Variants in WFDC2 observed in about 807,000 individuals in gnomAD.
WFDC2 encodes WAP four-disulfide core domain protein 2.
A neutral mutation model predicts 12.5 loss-of-function variants in WFDC2; 8 were observed. That is an observed-to-expected ratio of 0.64 (90% CI 0.37 to 1.15). WFDC2 has a LOEUF of 1.15. WFDC2 is among the 50% of genes most tolerant of loss of function. The pLI is 0.01. For synonymous variants in WFDC2, 74 were observed against 67.2 expected, an observed-to-expected ratio of 1.10 and a Z score of -0.49; for missense variants, 166 against 159.9, an observed-to-expected ratio of 1.04 and a Z score of -0.21.
At chr20:45,479,884 C>T in intron 2 of WFDC2, 58 bp from the exon 3 acceptor site, 1 of 1,614,082 alleles carries the variant, frequency 6.2e-7, no homozygotes, top group East Asian at 2.2e-5. Flanking sequence ...GCTGCAGGTA[C>T]AAGTTAATCT....
chr20:45,477,897 G>A (rs1029522942), intron 2 of WFDC2, among the ~76,000 whole-genome samples: 3 of 152,220 alleles, frequency 2.0e-5, no homozygotes, highest in Non-Finnish European at 4.4e-5. Context: ...TGGCTACAGC[G>A]GCTTTGCCGA....
rs550845184 is a variant in WFDC2 at position 45,479,567 on chromosome 20, T to C, written c.224-375T>C. 31 of 1,085,260 alleles carry C rather than the reference T, an allele frequency of 2.9e-5. No individual in the cohort carries two copies. The African/African-American group carries it at 4.3e-4, about 15-fold the overall frequency. 67.2% of individuals were successfully genotyped at this position (1,085,260 alleles called of 1,614,324 possible). On this transcript the variant is annotated intron_variant, in intron 2 of 3. Transcript: ENST00000372676. ...GTTATAATTTCTCATAACTACAGAG[T>C]AGTTTGATATTTCAGGGAGAAATAA...
rs1991150106 is a variant in WFDC2 at position 45,470,278 on chromosome 20, T to A, written c.80-111T>A. On this transcript the variant is annotated intron_variant, in intron 1 of 3. Transcript: ENST00000372676. This position sits in a 1 kb window ranked among gnomAD's most constrained non-coding sequence, Gnocchi z 5.4. ...TCTCTGGGGGCTGTAAGGGGACTCC[T>A]AGGGCCAGAGACTGAGAATTCCTTG... 7.0e-7 allele frequency: 1 copy of A among 1,427,612 alleles called. No individual in the cohort carries two copies. The highest frequency in any genetic ancestry group is 1.4e-5 in the African/African-American group (1 of 70,024). 88.4% of individuals were successfully genotyped at this position (1,427,612 alleles called of 1,614,324 possible).
intron 2 of WFDC2, among the ~76,000 whole-genome samples, chr20:45,472,468 A>G (rs998083165): frequency 6.6e-6 from 1 of 152,234 alleles, no homozygotes; most frequent in Non-Finnish European, 1.5e-5. Context: ...TTATGGCTGC[A>G]TAGTATTCCA....
In WFDC2 at chr20:45,470,477, C is replaced by G. The variant is rs1487685610; in HGVS notation, c.168C>G (p.Ala56=). 6.3e-6 allele frequency: 10 copies of G among 1,597,718 alleles called. No individual in the cohort carries two copies. Among genetic ancestry groups the G allele is most frequent in the Admixed American group, 1.7e-5 (1 of 58,264 alleles). The change falls in exon 2 of 4, where the codon GCC becomes GCG. Residue 56 remains alanine, a synonymous_variant. Coordinates refer to ENST00000372676, the MANE Select transcript of WFDC2 (RefSeq NM_006103.4). This position sits in a 1 kb window ranked among gnomAD's most constrained non-coding sequence, Gnocchi z 5.4. The stretch of plus-strand genomic sequence containing the variant: ...AGTGCGTCTCGGACAGCGAATGCGC[C>G]GACAACCTCAAGTGCTGCAGCGCGG... The part of the protein sequence containing the change: ...TQECVSDSEC[A]DNLKCCSAGC...
intron 2 of WFDC2, chr20:45,471,035 C>T: frequency 2.4e-6 from 1 of 423,584 alleles, no homozygotes; most frequent in Admixed American, 2.6e-5. Flanking sequence ...GAAAATGCCC[C>T]GCTCATCTTA....
Position 45,478,367 on chromosome 20 carries a change from C to T in WFDC2, c.224-1575C>T, listed in dbSNP as rs934413469. Reference sequence around the variant, plus strand: ...AGTGTAGTATCTGCTCCAGAGTGCACTATTCCTCACGGCACAGTCCCTCAT... The same window carrying T: ...AGTGTAGTATCTGCTCCAGAGTGCATTATTCCTCACGGCACAGTCCCTCAT... On this transcript the variant is annotated intron_variant, in intron 2 of 3. Transcript: ENST00000372676. 7.2e-5 allele frequency among the ~76,000 whole-genome samples: 11 copies of T among 152,182 alleles called. 1 individual carries two copies. In the South Asian group the frequency reaches 1.4e-3, roughly 20 times the overall value.
chr20:45,475,006 T>G (rs1201886662), intron 2 of WFDC2, among the ~76,000 whole-genome samples: 2 of 152,250 alleles, frequency 1.3e-5, no homozygotes, highest in African/African-American at 4.8e-5. Flanking sequence ...ATTGTATTTC[T>G]GTGGGATCAG....
intron 2 of WFDC2, among the ~76,000 whole-genome samples, chr20:45,471,621 G>A (rs1355107864): frequency 6.6e-6 from 1 of 152,192 alleles, no homozygotes; most frequent in African/African-American, 2.4e-5. Context: ...CTGGGCCAGG[G>A]AGAGGAGGAC....
At chr20:45,476,096 A>G (rs1018763496) in intron 2 of WFDC2, among the ~76,000 whole-genome samples, 1 of 152,140 alleles carries the variant, frequency 6.6e-6, no homozygotes, top group African/African-American at 2.4e-5. Flanking sequence ...TCTCCTGAAT[A>G]CAGCACACCA....
intron 2 of WFDC2, chr20:45,479,643 A>C: frequency 6.3e-7 from 1 of 1,597,350 alleles, no homozygotes; most frequent in Non-Finnish European, 8.6e-7. Flanking sequence ...TGTAATTAGC[A>C]CTGTTCCACT....
At chr20:45,480,959 C>T (rs961415004) in intron 3 of WFDC2, among the ~76,000 whole-genome samples, 46 of 152,286 alleles carry the variant, frequency 3.0e-4, no homozygotes, top group African/African-American at 1.1e-3. Context: ...AGTTATCTCG[C>T]TTATAAAATG....
intron 2 of WFDC2, among the ~76,000 whole-genome samples, chr20:45,476,120 CTT>C (rs1214094746): frequency 2.6e-5 from 4 of 152,242 alleles, no homozygotes; most frequent in Non-Finnish European, 4.4e-5. Flanking sequence ...GGTCTTGACT[CTT>C]TATCCAATTT....
chr20:45,472,939 C>A (rs186439427), intron 2 of WFDC2, among the ~76,000 whole-genome samples: 76 of 152,318 alleles, frequency 5.0e-4, no homozygotes, highest in Admixed American at 9.8e-4. Context: ...TCTCTAATGA[C>A]CAGTGATGAT....
chr20:45,480,738 C>T (rs1198169490), intron 3 of WFDC2, among the ~76,000 whole-genome samples: 1 of 152,148 alleles, frequency 6.6e-6, no homozygotes, highest in Non-Finnish European at 1.5e-5. Context: ...CTGATAGAAT[C>T]CAATAGTGCA....
At chr20:45,479,757 G>A (rs1210398086) in intron 2 of WFDC2, 185 bp from the exon 3 acceptor site, 1 of 1,613,880 alleles carries the variant, frequency 6.2e-7, no homozygotes, top group Non-Finnish European at 8.5e-7. Flanking sequence ...GGAGCAGGAG[G>A]AGGGATTTGC....
At chr20:45,473,280 G>T (rs1256758116) in intron 2 of WFDC2, among the ~76,000 whole-genome samples, 1 of 152,184 alleles carries the variant, frequency 6.6e-6, no homozygotes, top group East Asian at 1.9e-4. Context: ...GAATGGTATT[G>T]CCTAGGTTTT....
chr20:45,479,086 C>T (rs1253299591), intron 2 of WFDC2, among the ~76,000 whole-genome samples: 1 of 152,162 alleles, frequency 6.6e-6, no homozygotes. Flanking sequence ...CTCTATCTAA[C>T]CTGGGAAGTG....
chr20:45,470,129 C>T lies in WFDC2; in HGVS notation c.80-260C>T, dbSNP rs1991147817. Among the ~76,000 whole-genome samples the T allele has an allele frequency of 6.6e-6, 1 of 152,114 alleles. No homozygotes were observed. The highest frequency in any genetic ancestry group is 2.4e-5 in the African/African-American group (1 of 41,422). On this transcript the variant is annotated intron_variant, in intron 1 of 3. Transcript: ENST00000372676. The surrounding 1 kb of genome is among the most constrained non-coding windows in gnomAD (Gnocchi z 5.4). ...GGTGGGGGCTGCTCTGCCTCGACCT[C>T]GGAAGCTCCGAGACGCTCAGCTGTG...
Sources: allele counts gnomAD v4.1 joint callset (sites outside exome capture counted in the v4.1 genomes callset), GRCh38; gene constraint gnomAD v4.1.1; non-coding constraint Gnocchi (gnomAD v3.1); transcripts MANE v1.5; gene names NCBI Gene and HGNC (gene_info 2026-07-23, HGNC 2026-07-21).